ODAD4: variants seen among roughly 807,000 people sequenced by gnomAD.
The protein encoded by ODAD4 is outer dynein arm docking complex subunit 4, also known as outer dynein arm-docking complex subunit 4.
Under a neutral mutation model 51.8 loss-of-function variants are expected in ODAD4, and 49 were observed. That is an observed-to-expected ratio of 0.95 (90% CI 0.75 to 1.20). The LOEUF is 1.20. ODAD4 is among the 50% of genes most tolerant of loss of function. The pLI, the probability that ODAD4 is intolerant of heterozygous loss-of-function variation, is 0.00. For synonymous variants in ODAD4, 235 were observed against 221.3 expected, an observed-to-expected ratio of 1.06 and a Z score of -0.55; for missense variants, 590 against 586.5, an observed-to-expected ratio of 1.01 and a Z score of -0.06.
chr17:41,952,752 A>C, intron 9 of ODAD4: 1 of 478,088 alleles, frequency 2.1e-6, no homozygotes, highest in South Asian at 1.5e-5. Flanking sequence ...CTTTTTTGAG[A>C]TAGAGTCTTG....
In ODAD4 at chr17:41,939,070, T is replaced by C. The variant is rs1555638352; in HGVS notation, c.956T>C (p.Val319Ala). The change falls in exon 7 of 12, where the codon GTT becomes GCT. Residue 319 changes from valine to alanine, a missense_variant. Coordinates refer to ENST00000377540, the MANE Select transcript of ODAD4 (RefSeq NM_031421.5). Reference protein sequence around the residue: ...KEEVPNKDELVGNLYSCIGNA... With the variant: ...KEEVPNKDELAGNLYSCIGNA... ...GAGGTACCCAACAAGGATGAACTGG[T>C]TGGAAACTTGTATAGCTGCATAGGG... 4.3e-6 allele frequency: 7 copies of C among 1,613,826 alleles called. No homozygotes were observed. Among genetic ancestry groups the C allele is most frequent in the Non-Finnish European group, 5.9e-6 (7 of 1,179,856 alleles).
chr17:41,957,709 G>T (rs1174164987), intron 10 of ODAD4, among the ~76,000 whole-genome samples: 4 of 152,242 alleles, frequency 2.6e-5, no homozygotes, highest in East Asian at 1.9e-4. Context: ...CTTCCTGCTG[G>T]TCAGTCCCCA....
At chr17:41,963,001 C>T (rs2050825890) in intron 11 of ODAD4, among the ~76,000 whole-genome samples, 1 of 152,196 alleles carries the variant, frequency 6.6e-6, no homozygotes, top group African/African-American at 2.4e-5. Context: ...CTGTCTCCGC[C>T]CCCACATGCC....
chr17:41,955,696 T>C (rs1555640915), intron 10 of ODAD4, among the ~76,000 whole-genome samples: 1 of 152,186 alleles, frequency 6.6e-6, no homozygotes, highest in East Asian at 1.9e-4. Flanking sequence ...AATGCTGGGA[T>C]TACAGGCGTG....
Position 41,936,491 on chromosome 17 carries a change from T to G in ODAD4, c.416T>G (p.Leu139Arg). 6.2e-7 allele frequency: 1 copy of G among 1,613,346 alleles called. No individual in the cohort carries two copies. Among genetic ancestry groups the G allele is most frequent in the Non-Finnish European group, 8.5e-7 (1 of 1,179,736 alleles). The change falls in exon 4 of 12, where the codon CTG becomes CGG. Residue 139 changes from leucine to arginine, a missense_variant. Physicochemically the swap from Leu to Arg is moderately radical, Grantham distance 102. This residue lies in a region of ODAD4 where 360 missense variants were observed against 407.5 expected (regional missense o/e 0.88). Transcript: ENST00000377540. ...NSVGSPSSIK[L>R]ENKGDLSFLS... ...CTTGCAGGTCCTTCTTCCATTAAGC[T>G]GGAGAACAAAGGGGACCTCTCCTTC...
chr17:41,932,541 T>TG (rs2050362692), intron 1 of ODAD4, among the ~76,000 whole-genome samples: 1 of 152,036 alleles, frequency 6.6e-6, no homozygotes, highest in South Asian at 2.1e-4. Flanking sequence ...TGTTGTTTTT[T>TG]TTTTGTTTGT....
intron 10 of ODAD4, among the ~76,000 whole-genome samples, chr17:41,956,553 C>T (rs1235610015): frequency 2.1e-5 from 3 of 142,310 alleles, no homozygotes; most frequent in Non-Finnish European, 4.5e-5. Context: ...TGGGACCCAA[C>T]GTGTTGCTGG....
chr17:41,936,902 T>C lies in ODAD4; in HGVS notation c.600T>C (p.Tyr200=). The change falls in exon 5 of 12, where the codon TAT becomes TAC. Residue 200 remains tyrosine, a synonymous_variant. Transcript: ENST00000377540. The stretch of plus-strand genomic sequence containing the variant: ...GGGAGCTCTACGTGGACAAAGAGTA[T>C]TTGGAGAAGCTCCTATTGGATGAAG... ...LLGELYVDKE[Y]LEKLLLDEDL... 1 of 1,613,908 alleles carries C rather than the reference T, an allele frequency of 6.2e-7. No homozygotes were observed. The highest frequency in any genetic ancestry group is 8.5e-7 in the Non-Finnish European group (1 of 1,179,874).
intron 7 of ODAD4, among the ~76,000 whole-genome samples, chr17:41,940,699 CCCACA>C (rs1555638580): frequency 1.9e-3 from 286 of 152,286 alleles, no homozygotes; most frequent in African/African-American, 6.6e-3. Context: ...ATAATACCAA[CCCACA>C]GGGACTGTGG....
Position 41,945,147 on chromosome 17 carries a change from A to G in ODAD4, c.1070A>G (p.Asp357Gly), listed in dbSNP as rs782333139. ...CTTCTTCCCCACAGTGACCTTCCTGATGCAAAATCGAGAGCCCTTGACAAC... is the reference window on the plus strand; with the variant it reads ...CTTCTTCCCCACAGTGACCTTCCTGGTGCAAAATCGAGAGCCCTTGACAAC... ...LEIAKEYDLP[D>G]AKSRALDNIG... The change falls in exon 8 of 12, where the codon GAT (aspartate) becomes GGT (glycine). Residue 357 changes from aspartate to glycine, a missense_variant. By Grantham distance (94) the Asp-to-Gly change is moderately conservative. Transcript: ENST00000377540. The G allele has an allele frequency of 3.7e-6, 6 of 1,613,150 alleles. No homozygotes were observed. The highest frequency in any genetic ancestry group is 1.7e-6 in the Non-Finnish European group (2 of 1,179,646).
chr17:41,936,454 C>T lies in ODAD4; in HGVS notation c.398-19C>T. On this transcript the variant is annotated intron_variant, in intron 3 of 11. Transcript: ENST00000377540. ...CTGGGGGGTCTGGCCGACCTGAGCT[C>T]CAGCTTCTTTCCTTGCAGGTCCTTC... 1.9e-6 allele frequency: 3 copies of T among 1,607,650 alleles called. No individual in the cohort carries two copies. The highest frequency in any genetic ancestry group is 4.5e-5 in the East Asian group (2 of 44,856).
At chr17:41,955,571 C>T (rs1397869219) in intron 10 of ODAD4, among the ~76,000 whole-genome samples, 2 of 152,034 alleles carry the variant, frequency 1.3e-5, no homozygotes, top group African/African-American at 2.4e-5. Flanking sequence ...GGACTACAGG[C>T]GCCCCCCACC....
Position 41,966,013 on chromosome 17 carries a change from G to A in ODAD4, c.*530G>A, listed in dbSNP as rs1262653428. ...GGAGTCGGGAGGGCAGACAGACTCC[G>A]CCTCTGACACCTCTGGGTGGCATAA... On this transcript the variant is annotated 3_prime_UTR_variant, in exon 12 of 12. Transcript: ENST00000377540. Among the ~76,000 whole-genome samples, 2 of 152,200 alleles carry A rather than the reference G, an allele frequency of 1.3e-5. No homozygotes were observed. Among genetic ancestry groups the A allele is most frequent in the Non-Finnish European group, 2.9e-5 (2 of 68,020 alleles).
At position 41,935,233 on chromosome 17, in the gene ODAD4, A is replaced by G. The variant is rs782701428; in HGVS notation, c.131A>G (p.Asp44Gly). ...CTTTGTCAGGCTCTTTACCTTCAGG[A>G]TGGAGACAAGAACTGCCTGGTTGCT... ...QSFSNALYLQ[D>G]GDKNCLVARS... Residue 44 changes from aspartate to glycine, a missense_variant, in exon 2 of 12, where the codon GAT becomes GGT. Asp to Gly is a moderately conservative substitution (Grantham distance 94). Around this residue, in one of 3 missense-constraint regions of ODAD4, gnomAD observed 360 missense variants for 407.5 expected, o/e 0.88. Coordinates refer to ENST00000377540, the MANE Select transcript of ODAD4 (RefSeq NM_031421.5). 15 of 1,613,776 alleles carry G rather than the reference A, an allele frequency of 9.3e-6. No homozygotes were observed. The South Asian group carries it at 1.6e-4, about 18-fold the overall frequency.
At chr17:41,951,883 CAAAAAAAAAAAAAAAAAA>C in intron 9 of ODAD4, among the ~76,000 whole-genome samples, 1 of 35,546 alleles carries the variant, frequency 2.8e-5, no homozygotes, top group Non-Finnish European at 5.6e-5. Context: ...GACTCTGTCG[CAAAAAAAAAAAAAAAAAA>C]AAAAAAAAAA....
At chr17:41,934,038 C>CTTTTTTTTTTTTTTTTTT (rs782039270) in intron 1 of ODAD4, among the ~76,000 whole-genome samples, 15 of 65,494 alleles carry the variant, frequency 2.3e-4, no homozygotes, top group African/African-American at 4.8e-4. Context: ...TTCTTTCTTT[C>CTTTTTTTTTTTTTTTTTT]TTTTTTTTTT....
intron 8 of ODAD4, among the ~76,000 whole-genome samples, chr17:41,946,874 G>A (rs182969804): frequency 4.7e-5 from 7 of 150,032 alleles, no homozygotes; most frequent in South Asian, 2.1e-4. Flanking sequence ...TTTTTGAGAC[G>A]GAGTCTCGCT....
intron 10 of ODAD4, among the ~76,000 whole-genome samples, chr17:41,961,119 C>T (rs1036866762): frequency 6.6e-6 from 1 of 152,220 alleles, no homozygotes; most frequent in African/African-American, 2.4e-5. Context: ...AGTAGATAGA[C>T]ACAACTCCCA....
At chr17:41,954,294 T>C (rs2050698501) in intron 9 of ODAD4, among the ~76,000 whole-genome samples, 1 of 151,992 alleles carries the variant, frequency 6.6e-6, no homozygotes, top group Non-Finnish European at 1.5e-5. Context: ...GCCTGACATA[T>C]GTATTTAATT....
Sources: allele counts gnomAD v4.1 joint callset (sites outside exome capture counted in the v4.1 genomes callset), GRCh38; gene constraint gnomAD v4.1.1; regional missense constraint gnomAD v4.1.1; transcripts MANE v1.5; gene names NCBI Gene and HGNC (gene_info 2026-07-23, HGNC 2026-07-21).